Variants in NQO1 observed in about 807,000 individuals in gnomAD.
NQO1 encodes the protein NAD(P)H dehydrogenase [quinone] 1.
A neutral mutation model predicts 32.1 loss-of-function variants in NQO1; 30 were observed. That is an observed-to-expected ratio of 0.94 (90% CI 0.70 to 1.27). The LOEUF is 1.27. Ranked by LOEUF, NQO1 falls within the 50% of genes most tolerant of loss-of-function variation. The probability of loss-of-function intolerance (pLI) is 0.00; values close to 1 mark genes in which losing one functional copy is unlikely to be tolerated. For synonymous variants in NQO1, 109 were observed against 119.7 expected, an observed-to-expected ratio of 0.91 and a Z score of 0.59; for missense variants, 276 against 331.3, an observed-to-expected ratio of 0.83 and a Z score of 1.30.
In NQO1 at chr16:69,710,782, G is replaced by T; in HGVS notation, c.*194C>A. The T allele has an allele frequency of 3.1e-6, 2 of 645,718 alleles. No homozygotes were observed. Among genetic ancestry groups the T allele is most frequent in the Non-Finnish European group, 5.1e-6 (2 of 392,910 alleles). The allele number at this position is 645,718 out of a possible 1,614,324, so 40.0% of individuals were successfully genotyped here. A position where few individuals can be genotyped will look rare whatever the true frequency, so the allele number is the denominator to read the frequency against. On this transcript the variant is annotated 3_prime_UTR_variant, in exon 6 of 6. Coordinates refer to ENST00000320623, the MANE Select transcript of NQO1 (RefSeq NM_000903.3). Reference sequence around the variant, plus strand: ...GCCTCTTGAGCCCAGTCGGATTTTGGTTATATGCCATGATAGTAATCATAA... The same window carrying T: ...GCCTCTTGAGCCCAGTCGGATTTTGTTTATATGCCATGATAGTAATCATAA...
Position 69,715,094 on chromosome 16 carries a change from A to G in NQO1, c.304-17T>C, listed in dbSNP as rs762899481. 13 of 1,599,370 alleles carry G rather than the reference A, an allele frequency of 8.1e-6. No individual in the cohort carries two copies. The highest frequency in any genetic ancestry group is 1.1e-5 in the Non-Finnish European group (13 of 1,167,032). On this transcript the variant is annotated splice_polypyrimidine_tract_variant and intron_variant, in intron 3 of 5. Coordinates refer to ENST00000320623, the MANE Select transcript of NQO1 (RefSeq NM_000903.3). ...CAGGGGGAACTGTGGGACAGAAGAC[A>G]TCATTGAGGTAAGACCAGGGGCTCC...
rs1396432190 is a variant in NQO1 at position 69,711,285 on chromosome 16, AG to A, written c.520-5del. 1.2e-6 allele frequency: 2 copies of A among 1,602,994 alleles called. No homozygotes were observed. Among genetic ancestry groups the A allele is most frequent in the Admixed American group, 3.4e-5 (2 of 59,394 alleles). ...CACAGAAATGCAGAATGCCACTCTG[AG>A]GATACAGAAAGCACAGAGAGGTAAG... On this transcript the variant is annotated splice_region_variant and splice_polypyrimidine_tract_variant and intron_variant, in intron 5 of 5. Coordinates refer to ENST00000320623, the MANE Select transcript of NQO1 (RefSeq NM_000903.3).
intron 1 of NQO1, among the ~76,000 whole-genome samples, chr16:69,725,219 G>A (rs949562254): frequency 6.6e-6 from 1 of 152,208 alleles, no homozygotes; most frequent in Non-Finnish European, 1.5e-5. Flanking sequence ...TGCAAGGGCA[G>A]TCTGTTCCTC....
intron 3 of NQO1, 130 bp downstream of exon 3, chr16:69,717,988 TTAAAG>T: frequency 1.6e-6 from 2 of 1,252,426 alleles, no homozygotes; most frequent in Non-Finnish European, 2.2e-6. Flanking sequence ...TACTGCACCT[TTAAAG>T]TAATCACCCT....
At position 69,711,105 on chromosome 16, in the gene NQO1, G is replaced by A; in HGVS notation, c.696C>T (p.Asn232=). The A allele has an allele frequency of 6.2e-7, 1 of 1,614,198 alleles. No homozygotes were observed. The highest frequency in any genetic ancestry group is 8.5e-7 in the Non-Finnish European group (1 of 1,180,026). ...YFAPSSLFDL[N]FQAGFLMKKE... ...TTTTCATTAAGAATCCTGCCTGGAA[G>A]TTTAGGTCAAAGAGGCTGCTTGGAG... The change falls in exon 6 of 6, where the codon AAC becomes AAT. Residue 232 remains asparagine (N), a synonymous_variant. Coordinates refer to ENST00000320623, the MANE Select transcript of NQO1 (RefSeq NM_000903.3).
chr16:69,713,015 G>C lies in NQO1; in HGVS notation c.519+13C>G, dbSNP rs1166015439. The C allele has an allele frequency of 1.2e-6, 2 of 1,605,080 alleles. No homozygotes were observed. Among genetic ancestry groups the C allele is most frequent in the Admixed American group, 3.4e-5 (2 of 59,402 alleles). ...CTCAAAGAAAAAAAAGAAAAGAAAA[G>C]AAAATGAGGTACCTGAATTGGCCAG... On this transcript the variant is annotated intron_variant, in intron 5 of 5. Coordinates refer to ENST00000320623, the MANE Select transcript of NQO1 (RefSeq NM_000903.3).
chr16:69,709,991 A>T lies in NQO1; in HGVS notation c.*985T>A. The T allele has an allele frequency of 2.6e-6, 1 of 388,630 alleles. No individual in the cohort carries two copies. Among genetic ancestry groups the T allele is most frequent in the Non-Finnish European group, 4.5e-6 (1 of 220,258 alleles). 24.1% of individuals were successfully genotyped at this position (388,630 alleles called of 1,614,324 possible). ...ATTTCCTTTCTTGAATTCATATTGC[A>T]GATGTACGGTGTGGATTTATTGGTT... On this transcript the variant is annotated 3_prime_UTR_variant, in exon 6 of 6. Transcript: ENST00000320623.
intron 1 of NQO1, among the ~76,000 whole-genome samples, chr16:69,722,287 C>T (rs1221255432): frequency 6.6e-6 from 1 of 152,036 alleles, no homozygotes; most frequent in East Asian, 1.9e-4. Flanking sequence ...CCTCAGCCTC[C>T]GAATAGCTGG....
rs532417411 is a variant in NQO1, at chr16:69,726,151, G to C, written c.7+282C>G. Reference sequence around the variant, plus strand: ...ATTTGGCCTCTGACGGCCAGTTTCTGACCACAGTTTTGGAGGGAATTTCTG... The same window carrying C: ...ATTTGGCCTCTGACGGCCAGTTTCTCACCACAGTTTTGGAGGGAATTTCTG... On this transcript the variant is annotated intron_variant, in intron 1 of 5. Transcript: ENST00000320623. Among the ~76,000 whole-genome samples the C allele has an allele frequency of 5.6e-4, 85 of 152,302 alleles. 3 individuals are homozygous for C. The South Asian group carries it at 0.017, about 30-fold the overall frequency.
intron 1 of NQO1, among the ~76,000 whole-genome samples, chr16:69,722,199 T>G (rs1226195162): frequency 6.6e-6 from 1 of 151,546 alleles, no homozygotes; most frequent in Non-Finnish European, 1.5e-5. Flanking sequence ...AGTCTTGCTC[T>G]GTCACCCAGG....
chr16:69,720,904 A>C (rs1159534545), intron 1 of NQO1, among the ~76,000 whole-genome samples: 2 of 151,458 alleles, frequency 1.3e-5, no homozygotes, highest in African/African-American at 4.9e-5. Context: ...TTTCTGAGAC[A>C]GGGTCTCGAT....
chr16:69,715,678 G>C (rs1396820771), intron 3 of NQO1, among the ~76,000 whole-genome samples: 2 of 152,222 alleles, frequency 1.3e-5, no homozygotes, highest in African/African-American at 4.8e-5. Context: ...TGAGGCAGGA[G>C]AATCACTTGA....
At chr16:69,719,242 A>G (rs74664190) in intron 1 of NQO1, among the ~76,000 whole-genome samples, 1,620 of 152,324 alleles carry the variant, frequency 0.011, 22 homozygotes, top group Non-Finnish European at 0.015. Flanking sequence ...GAACTGCCTC[A>G]ACCTTTAGGG....
intron 3 of NQO1, 105 bp from the exon 4 acceptor site, chr16:69,715,182 C>G (rs1051777066): frequency 2.6e-6 from 2 of 782,954 alleles, no homozygotes; most frequent in Non-Finnish European, 4.5e-6. Flanking sequence ...TGTGGGAAGC[C>G]CCTCTTCACA....
At chr16:69,716,115 C>T (rs1487574242) in intron 3 of NQO1, among the ~76,000 whole-genome samples, 2 of 151,546 alleles carry the variant, frequency 1.3e-5, no homozygotes, top group East Asian at 1.9e-4. Flanking sequence ...CTGCAGGGAG[C>T]TGTGATCACC....
In NQO1 at chr16:69,716,706, T is replaced by C. The variant is rs575572543; in HGVS notation, c.303+1417A>G. Among the ~76,000 whole-genome samples, 4 of 151,824 alleles carry C rather than the reference T, an allele frequency of 2.6e-5. No individual in the cohort carries two copies. The South Asian group carries it at 8.3e-4, about 32-fold the overall frequency. The stretch of plus-strand genomic sequence containing the variant: ...GGCACATGCCTATAATCCCAGCCTT[T>C]TGGGAGGTCCAGGCAGGCAGATCAC... On this transcript the variant is annotated intron_variant, in intron 3 of 5. Transcript: ENST00000320623.
intron 5 of NQO1, among the ~76,000 whole-genome samples, chr16:69,712,036 A>G (rs1026039840): frequency 2.0e-5 from 3 of 152,164 alleles, no homozygotes; most frequent in East Asian, 1.9e-4. Flanking sequence ...GGTAACACCA[A>G]TAAGCCCACC....
chr16:69,719,307 C>T (rs187696723), intron 1 of NQO1, among the ~76,000 whole-genome samples: 85 of 152,272 alleles, frequency 5.6e-4, no homozygotes, highest in African/African-American at 1.9e-3. Flanking sequence ...TCTTTTATCT[C>T]GCTCTCCAAT....
chr16:69,716,234 C>A (rs1286981997), intron 3 of NQO1, among the ~76,000 whole-genome samples: 1 of 151,032 alleles, frequency 6.6e-6, no homozygotes, highest in Non-Finnish European at 1.5e-5. Flanking sequence ...GTTGCTCATG[C>A]CTTTAATTCT....
Sources: allele counts gnomAD v4.1 joint callset (sites outside exome capture counted in the v4.1 genomes callset), GRCh38; gene constraint gnomAD v4.1.1; transcripts MANE v1.5; gene names NCBI Gene and HGNC (gene_info 2026-07-23, HGNC 2026-07-21).